Variants in GRIK3 observed in about 807,000 individuals in gnomAD.
GRIK3 encodes the protein glutamate receptor ionotropic, kainate 3.
A neutral mutation model predicts 102.5 loss-of-function variants in GRIK3; 29 were observed. That is an observed-to-expected ratio of 0.28 (90% CI 0.21 to 0.39). The LOEUF (loss-of-function observed/expected upper bound fraction) is 0.39, where lower values mean the gene tolerates loss of function less well. GRIK3 is among the 10% of genes least tolerant of loss of function. GRIK3 has a pLI of 1.00. For missense variants in GRIK3, 908 were observed against 1,252.4 expected (o/e 0.73, Z 4.15); for synonymous variants, 511 against 504.9 (o/e 1.01, Z -0.16).
intron 1 of GRIK3, among the ~76,000 whole-genome samples, chr1:36,896,071 C>A (rs1220727012): frequency 2.0e-5 from 3 of 151,992 alleles, no homozygotes; most frequent in African/African-American, 7.2e-5. Flanking sequence ...CTTTCTCTGA[C>A]AAACAAAAAT....
intron 1 of GRIK3, among the ~76,000 whole-genome samples, chr1:36,906,230 C>T (rs562425478): frequency 6.4e-4 from 98 of 152,300 alleles, no homozygotes; most frequent in African/African-American, 2.2e-3. Flanking sequence ...AGGTGCAATA[C>T]CAGGGAGGTT....
chr1:36,826,764 G>A (rs752743601), intron 10 of GRIK3, among the ~76,000 whole-genome samples: 1 of 152,178 alleles, frequency 6.6e-6, no homozygotes, highest in African/African-American at 2.4e-5. Context: ...GAAAAGAAGG[G>A]GGTGGGGTAA....
chr1:36,824,142 A>G (rs887278950), intron 11 of GRIK3, among the ~76,000 whole-genome samples: 2 of 152,088 alleles, frequency 1.3e-5, no homozygotes, highest in African/African-American at 4.8e-5. Context: ...CTTGGGAAGG[A>G]GGCTCCCACC....
rs115026181 is a variant in GRIK3 at position 37,022,862 on chromosome 1, A to C, written c.115+11132T>G. Among the ~76,000 whole-genome samples the C allele has an allele frequency of 4.6e-5, 7 of 152,356 alleles. No individual in the cohort carries two copies. In the East Asian group the frequency reaches 1.4e-3, roughly 29 times the overall value. On this transcript the variant is annotated intron_variant, in intron 1 of 15. Transcript: ENST00000373091. ...GGTGAACAACCTGGCTATGGCCCAT[A>C]CTGGTACAGCACTTATCTCTAAAGT... is the stretch of plus-strand genomic sequence containing the variant.
chr1:36,827,607 C>G (rs769757434), intron 10 of GRIK3, among the ~76,000 whole-genome samples: 1 of 152,272 alleles, frequency 6.6e-6, no homozygotes, highest in East Asian at 1.9e-4. Flanking sequence ...AGCTTACAGT[C>G]TAGTAGGGGA....
chr1:36,935,815 C>G (rs1011961356), intron 1 of GRIK3, among the ~76,000 whole-genome samples: 4 of 152,156 alleles, frequency 2.6e-5, no homozygotes, highest in African/African-American at 9.7e-5. Flanking sequence ...AGCACCATTC[C>G]AGAGACAGGC....
intron 1 of GRIK3, among the ~76,000 whole-genome samples, chr1:36,954,637 G>T (rs2124338467): frequency 6.6e-6 from 1 of 152,304 alleles, no homozygotes; most frequent in Non-Finnish European, 1.5e-5. Context: ...AGGTCCCTGA[G>T]GTTCCCCTGA....
chr1:36,806,220 T>C lies in GRIK3; in HGVS notation c.2198A>G (p.Asp733Gly). 6.2e-7 allele frequency: 1 copy of C among 1,614,158 alleles called. No homozygotes were observed. Among genetic ancestry groups the C allele is most frequent in the Non-Finnish European group, 8.5e-7 (1 of 1,179,978 alleles). The change falls in exon 14 of 16, where the codon GAC becomes GGC. Residue 733 changes from aspartate (D) to glycine (G), a missense_variant. Physicochemically the swap from Asp to Gly is moderately conservative, Grantham distance 94. Transcript: ENST00000373091. This position sits in a 1 kb window ranked among gnomAD's most constrained non-coding sequence, Gnocchi z 4.0. ...GGTGGACTCCATGAGCAGCGCGTAG[T>C]CGGCCGTCAGGGCCCTCTGGATGCC... ...EEGIQRALTADYALLMESTTI... is the reference protein window; with the variant it reads ...EEGIQRALTAGYALLMESTTI...
At chr1:36,861,273 C>T (rs543172790) in intron 5 of GRIK3, among the ~76,000 whole-genome samples, 1 of 152,320 alleles carries the variant, frequency 6.6e-6, no homozygotes, top group South Asian at 2.1e-4. Flanking sequence ...TATACTTGCA[C>T]AGTCTAGATT....
intron 5 of GRIK3, among the ~76,000 whole-genome samples, chr1:36,863,539 CT>C (rs925139015): frequency 1.3e-5 from 2 of 152,324 alleles, no homozygotes; most frequent in Admixed American, 1.3e-4. Context: ...TCGCTGGCCC[CT>C]GTACCCTTTG....
intron 1 of GRIK3, among the ~76,000 whole-genome samples, chr1:36,972,926 C>T (rs1178552482): frequency 6.6e-6 from 1 of 152,128 alleles, no homozygotes; most frequent in African/African-American, 2.4e-5. Context: ...CACATGGGGG[C>T]CCAGGGTCTC....
intron 7 of GRIK3, among the ~76,000 whole-genome samples, chr1:36,858,589 G>C (rs912371188): frequency 1.3e-5 from 2 of 152,188 alleles, no homozygotes; most frequent in African/African-American, 4.8e-5. Flanking sequence ...GGTCCCAGTG[G>C]GGGTGCTGGC....
At chr1:36,956,126 A>G (rs1004108686) in intron 1 of GRIK3, among the ~76,000 whole-genome samples, 2 of 151,990 alleles carry the variant, frequency 1.3e-5, no homozygotes, top group African/African-American at 4.8e-5. Context: ...AGGCCCTAGA[A>G]CTCTGCTCCC....
At chr1:36,891,241 T>C (rs945450683) in intron 1 of GRIK3, 145 bp from the exon 2 acceptor site, 4 of 574,746 alleles carry the variant, frequency 7.0e-6, no homozygotes, top group African/African-American at 5.5e-5. Flanking sequence ...ACCTAGAAAG[T>C]GTGCAGGAGC....
chr1:36,871,227 G>T (rs1247645818), intron 4 of GRIK3, among the ~76,000 whole-genome samples: 1 of 152,172 alleles, frequency 6.6e-6, no homozygotes, highest in African/African-American at 2.4e-5. Flanking sequence ...CCTCAAATGA[G>T]CCTTTTAAGT....
intron 2 of GRIK3, among the ~76,000 whole-genome samples, chr1:36,888,950 T>C (rs1012038243): frequency 6.6e-6 from 1 of 151,900 alleles, no homozygotes; most frequent in Non-Finnish European, 1.5e-5. Context: ...TAAGGAACAA[T>C]GTTCGTTAAG....
At chr1:36,965,766 A>C (rs527496195) in intron 1 of GRIK3, among the ~76,000 whole-genome samples, 1 of 152,322 alleles carries the variant, frequency 6.6e-6, no homozygotes, top group South Asian at 2.1e-4. Context: ...TCAATTCCCT[A>C]AGAAACATTT....
At chr1:36,893,417 G>A (rs2124275225) in intron 1 of GRIK3, among the ~76,000 whole-genome samples, 1 of 152,242 alleles carries the variant, frequency 6.6e-6, no homozygotes, top group East Asian at 1.9e-4. Context: ...ATACAAAGGG[G>A]CTATTAATGT....
intron 1 of GRIK3, among the ~76,000 whole-genome samples, chr1:36,991,078 C>A (rs1642358299): frequency 6.6e-6 from 1 of 152,086 alleles, no homozygotes; most frequent in South Asian, 2.1e-4. Flanking sequence ...AGCACTTGAG[C>A]CCCAGAGTCT....
Sources: allele counts gnomAD v4.1 joint callset (sites outside exome capture counted in the v4.1 genomes callset), GRCh38; gene constraint gnomAD v4.1.1; non-coding constraint Gnocchi (gnomAD v3.1); transcripts MANE v1.5; gene names NCBI Gene and HGNC (gene_info 2026-07-23, HGNC 2026-07-21).